The following CCDC57 variants were observed in gnomAD, a reference collection of about 807,000 sequenced individuals.
CCDC57 encodes coiled-coil domain containing 57.
In CCDC57, 118 loss-of-function variants were observed where a neutral mutation model predicts 118.9. The observed-to-expected ratio is 0.99, with a 90% CI of 0.86 to 1.16. The LOEUF is 1.16. Among genes scored for constraint, CCDC57 ranks in the 50% most tolerant of loss-of-function variants. The probability of loss-of-function intolerance (pLI) is 0.00; values close to 1 mark genes in which losing one functional copy is unlikely to be tolerated. For synonymous variants in CCDC57, 527 were observed against 532.9 expected (o/e 0.99, Z 0.15); for missense variants, 1,300 against 1,320.7 (o/e 0.98, Z 0.24).
At chr17:82,122,701 G>A (rs777536567) in intron 19 of CCDC57, among the ~76,000 whole-genome samples, 1 of 152,146 alleles carries the variant, frequency 6.6e-6, no homozygotes, top group Non-Finnish European at 1.5e-5. Flanking sequence ...TTCTGGCTTC[G>A]GTGCCCACCT....
At chr17:82,153,081 C>T (rs8073645) in intron 15 of CCDC57, among the ~76,000 whole-genome samples, 71,228 of 152,018 alleles carry the variant, frequency 0.47, 17,497 homozygotes, top group East Asian at 0.88. Context: ...ATGCCTGCTC[C>T]GTGAGCACCC....
intron 19 of CCDC57, among the ~76,000 whole-genome samples, chr17:82,125,544 T>G (rs903444213): frequency 8.6e-5 from 13 of 151,966 alleles, no homozygotes; most frequent in Non-Finnish European, 1.8e-4. Flanking sequence ...CCCAGTGAAT[T>G]TTTGTATTTT....
At chr17:82,187,836 G>A (rs1414541977) in intron 8 of CCDC57, among the ~76,000 whole-genome samples, 1 of 147,082 alleles carries the variant, frequency 6.8e-6, no homozygotes, top group African/African-American at 2.5e-5. Context: ...TGGCGGGGGT[G>A]GGGGAGGCGT....
intron 4 of CCDC57, 37 bp from the exon 4 acceptor site, chr17:82,195,401 G>A: frequency 6.5e-7 from 1 of 1,532,086 alleles, no homozygotes. Context: ...AGAACAGTGG[G>A]AACCCAGCAA....
intron 19 of CCDC57, chr17:82,113,865 G>C: frequency 3.5e-6 from 2 of 576,986 alleles, no homozygotes; most frequent in Non-Finnish European, 6.2e-6. Context: ...AGGATCACTT[G>C]AGCCTGGAAA....
At chr17:82,180,034 G>C (rs893733680) in intron 9 of CCDC57, among the ~76,000 whole-genome samples, 1 of 152,204 alleles carries the variant, frequency 6.6e-6, no homozygotes, top group African/African-American at 2.4e-5. Context: ...AGAGATGGTG[G>C]CATGGCTCTG....
chr17:82,118,701 C>G lies in CCDC57; in HGVS notation c.2899+8991G>C, dbSNP rs1308177954. On this transcript the variant is annotated intron_variant, in intron 19 of 19. Transcript: ENST00000665763. The surrounding 1 kb of genome is among the most constrained non-coding windows in gnomAD (Gnocchi z 4.7). ...TTCTCTGGAACTGCCTTAGGGAGAG[C>G]TTCCGTCCGCACTGGGTGCCACTCA... 1.3e-5 allele frequency among the ~76,000 whole-genome samples: 2 copies of G among 152,122 alleles called. No individual in the cohort carries two copies. Among genetic ancestry groups the G allele is most frequent in the African/African-American group, 4.8e-5 (2 of 41,430 alleles).
intron 17 of CCDC57, 38 bp downstream of exon 16, chr17:82,134,035 A>AT (rs2038817451): frequency 1.5e-6 from 2 of 1,342,478 alleles, no homozygotes; most frequent in South Asian, 2.1e-5. Flanking sequence ...TTAGGGAAAT[A>AT]TTTTTAAAAA....
At chr17:82,151,488 C>T in intron 16 of CCDC57, 72 bp downstream of exon 15, 5 of 1,429,164 alleles carry the variant, frequency 3.5e-6, no homozygotes, top group Non-Finnish European at 4.8e-6. Context: ...GAACCTGGCG[C>T]ACACCCAGAA....
intron 13 of CCDC57, among the ~76,000 whole-genome samples, chr17:82,167,172 C>T (rs746881769): frequency 6.6e-6 from 1 of 152,036 alleles, no homozygotes; most frequent in Non-Finnish European, 1.5e-5. Flanking sequence ...ACGTTTGTGT[C>T]CTCAGAGCCC....
chr17:82,211,678 T>A (rs1051642736), intron 1 of CCDC57, among the ~76,000 whole-genome samples: 1 of 152,044 alleles, frequency 6.6e-6, no homozygotes, highest in Non-Finnish European at 1.5e-5. Flanking sequence ...TGACTGACTC[T>A]CTCTTAGCTG....
intron 2 of CCDC57, among the ~76,000 whole-genome samples, chr17:82,205,243 A>T (rs563190811): frequency 1.3e-5 from 2 of 152,292 alleles, no homozygotes; most frequent in Admixed American, 1.3e-4. Context: ...TTCTCTGCAG[A>T]GCCTGAGGTC....
chr17:82,163,100 A>G, intron 14 of CCDC57, 100 bp downstream of exon 13: 1 of 1,439,852 alleles, frequency 6.9e-7, no homozygotes. Context: ...TGGATGCCCG[A>G]GGTCACCTGG....
intron 1 of CCDC57, among the ~76,000 whole-genome samples, chr17:82,210,537 G>A (rs1198363363): frequency 6.7e-6 from 1 of 149,490 alleles, no homozygotes; most frequent in South Asian, 2.1e-4. Flanking sequence ...AAAAATAGCC[G>A]GGCATGGTGG....
chr17:82,176,186 C>A (rs1331069584), intron 11 of CCDC57, among the ~76,000 whole-genome samples: 11 of 152,076 alleles, frequency 7.2e-5, no homozygotes, highest in Admixed American at 7.2e-4. Flanking sequence ...GGGCATAAAA[C>A]CCCTCGTGGC....
chr17:82,145,070 T>C (rs1283175642), intron 16 of CCDC57, among the ~76,000 whole-genome samples: 1 of 146,906 alleles, frequency 6.8e-6, no homozygotes. Context: ...TCACCCAGGC[T>C]GGAGTGCAGT....
In CCDC57 at chr17:82,127,713, AG is replaced by A. The variant is rs766477657; in HGVS notation, c.2877del (p.Ser960ProfsTer31). 4 of 1,607,660 alleles carry A rather than the reference AG, an allele frequency of 2.5e-6. No individual in the cohort carries two copies. Among genetic ancestry groups the A allele is most frequent in the Non-Finnish European group, 3.4e-6 (4 of 1,176,716 alleles). On this transcript the variant is annotated frameshift_variant, in exon 19 of 20. Transcript: ENST00000665763. LOFTEE classifies it low-confidence loss of function (END_TRUNC). ...CTACCTGGAGTTGAGTCACCCTGGGAGGTGACACCAGAAGGGCTGGATCCCA... is the reference window on the plus strand; with the variant it reads ...CTACCTGGAGTTGAGTCACCCTGGGAGTGACACCAGAAGGGCTGGATCCCA...
At chr17:82,184,039 A>ACG in intron 8 of CCDC57, 107 bp from the exon 8 acceptor site, 1 of 408,358 alleles carries the variant, frequency 2.4e-6, no homozygotes, top group Non-Finnish European at 4.6e-6. Context: ...GCGCACACAC[A>ACG]CACACACACA....
intron 19 of CCDC57, among the ~76,000 whole-genome samples, chr17:82,108,561 T>TC (rs1474881209): frequency 1.3e-5 from 2 of 152,138 alleles, no homozygotes; most frequent in Non-Finnish European, 2.9e-5. Flanking sequence ...TGTGACGGTG[T>TC]CCAAGACGCA....
Sources: allele counts gnomAD v4.1 joint callset (sites outside exome capture counted in the v4.1 genomes callset), GRCh38; gene constraint gnomAD v4.1.1; non-coding constraint Gnocchi (gnomAD v3.1); transcripts MANE v1.5; gene names NCBI Gene and HGNC (gene_info 2026-07-23, HGNC 2026-07-21).